The following MCEE variants were observed in gnomAD, a reference collection of about 807,000 sequenced individuals.
MCEE encodes the protein methylmalonyl-CoA epimerase, mitochondrial.
In MCEE, 6 loss-of-function variants were observed where a neutral mutation model predicts 12.9. The ratio of observed to expected loss-of-function variants is 0.47; its 90% CI spans 0.26 to 0.92. MCEE has a LOEUF of 0.92. Among genes scored for constraint, MCEE ranks in the 40% least tolerant of loss-of-function variants. The pLI, the probability that MCEE is intolerant of heterozygous loss-of-function variation, is 0.16. For missense variants in MCEE, 214 were observed against 212.1 expected (o/e 1.01, Z -0.05); for synonymous variants, 78 against 77.9 (o/e 1.00, Z -0.01).
At chr2:71,119,138 T>G (rs1255098041) in intron 2 of MCEE, among the ~76,000 whole-genome samples, 1 of 150,398 alleles carries the variant, frequency 6.6e-6, no homozygotes, top group Non-Finnish European at 1.5e-5. Context: ...TTTTTTGTTT[T>G]TGGTAAGTAG....
chr2:71,114,720 C>T (rs867121363), intron 2 of MCEE, among the ~76,000 whole-genome samples: 5 of 151,912 alleles, frequency 3.3e-5, no homozygotes, highest in Non-Finnish European at 7.4e-5. Context: ...ATGATGTCAC[C>T]GTGGTTATTT....
intron 1 of MCEE, chr2:71,129,834 G>C (rs760312454): frequency 9.7e-6 from 4 of 413,744 alleles, no homozygotes; most frequent in Non-Finnish European, 4.5e-6. Context: ...ATTGGTGCGC[G>C]GTAAAATAAC....
At chr2:71,124,705 C>T (rs1222695173) in intron 1 of MCEE, among the ~76,000 whole-genome samples, 162 bp from the exon 2 acceptor site, 1 of 146,830 alleles carries the variant, frequency 6.8e-6, no homozygotes, top group Non-Finnish European at 1.5e-5. Context: ...GAAAAACTTA[C>T]ATCAGAATTA....
chr2:71,129,402 G>A (rs1455978858), intron 1 of MCEE, among the ~76,000 whole-genome samples: 1 of 151,794 alleles, frequency 6.6e-6, no homozygotes, highest in Non-Finnish European at 1.5e-5. Context: ...CGAATGTCCC[G>A]GAGTAACTCT....
chr2:71,127,973 C>A (rs949116475), intron 1 of MCEE, among the ~76,000 whole-genome samples: 1 of 152,122 alleles, frequency 6.6e-6, no homozygotes, highest in Admixed American at 6.5e-5. Context: ...AGGAAACATA[C>A]GTATTTAGAA....
chr2:71,128,714 G>A lies in MCEE; in HGVS notation c.40+1466C>T, dbSNP rs1416466970. ...CCGGCTAATTTTTGTATTTTTAGTAGAGACGGGCTCACGCCTGTAATCCCA... is the reference window on the plus strand; with the variant it reads ...CCGGCTAATTTTTGTATTTTTAGTAAAGACGGGCTCACGCCTGTAATCCCA... On this transcript the variant is annotated intron_variant, in intron 1 of 2. Transcript: ENST00000244217. Among the ~76,000 whole-genome samples, 79 of 152,024 alleles carry A rather than the reference G, an allele frequency of 5.2e-4. 1 individual carries two copies. Among genetic ancestry groups the A allele is most frequent in the Non-Finnish European group, 4.4e-5 (3 of 68,004 alleles).
At position 71,109,973 on chromosome 2, in the gene MCEE, A is replaced by G. The variant is rs1461766429; in HGVS notation, c.528T>C (p.Ala176=). The G allele has an allele frequency of 6.2e-7, 1 of 1,613,558 alleles. No individual in the cohort carries two copies. Among genetic ancestry groups the G allele is most frequent in the Non-Finnish European group, 8.5e-7 (1 of 1,179,828 alleles). ...TTTAGTTGCTTGCAAATATAAATCAAGCTTGCTCCAGTTCCACAAGGACTC... is the reference window on the plus strand; with the variant it reads ...TTTAGTTGCTTGCAAATATAAATCAGGCTTGCTCCAGTTCCACAAGGACTC... The part of the protein sequence containing the change: ...CGGVLVELEQ[A] The change falls in exon 3 of 3, where the codon GCT becomes GCC. Residue 176 remains alanine (A), a synonymous_variant. Transcript: ENST00000244217.
chr2:71,127,498 CTT>C (rs1247465402), intron 1 of MCEE, among the ~76,000 whole-genome samples: 4 of 152,184 alleles, frequency 2.6e-5, no homozygotes, highest in African/African-American at 9.7e-5. Context: ...AGCTTTATCT[CTT>C]AATAGTTTTT....
At chr2:71,114,221 T>C (rs1014447183) in intron 2 of MCEE, among the ~76,000 whole-genome samples, 11 of 152,054 alleles carry the variant, frequency 7.2e-5, no homozygotes, top group African/African-American at 2.2e-4. Flanking sequence ...TCAGGATAAA[T>C]AGCTAATGCA....
chr2:71,115,094 G>A (rs1049749995), intron 2 of MCEE, among the ~76,000 whole-genome samples: 1 of 152,076 alleles, frequency 6.6e-6, no homozygotes, highest in African/African-American at 2.4e-5. Context: ...TTCAAGCCTG[G>A]GCACAGTGTT....
intron 2 of MCEE, chr2:71,118,266 C>T (rs564179015): frequency 6.6e-6 from 1 of 150,866 alleles, no homozygotes; most frequent in Non-Finnish European, 1.5e-5. Context: ...CACCATTTTC[C>T]CCTGCAACGA....
At chr2:71,118,074 C>T (rs1027558104) in intron 2 of MCEE, among the ~76,000 whole-genome samples, 2 of 150,118 alleles carry the variant, frequency 1.3e-5, no homozygotes, top group Non-Finnish European at 2.9e-5. Context: ...TTCAACATCC[C>T]GCCCGGAAGC....
At chr2:71,128,259 CT>C (rs1260526218) in intron 1 of MCEE, among the ~76,000 whole-genome samples, 1 of 152,182 alleles carries the variant, frequency 6.6e-6, no homozygotes, top group Admixed American at 6.5e-5. Context: ...CGTGTTCACT[CT>C]GATTTTTCTG....
At chr2:71,125,006 T>C (rs1673186804) in intron 1 of MCEE, among the ~76,000 whole-genome samples, 1 of 151,386 alleles carries the variant, frequency 6.6e-6, no homozygotes, top group East Asian at 1.9e-4. Flanking sequence ...CAGTACTCTT[T>C]AATGCTCTGT....
intron 1 of MCEE, among the ~76,000 whole-genome samples, chr2:71,124,981 T>C (rs907521905): frequency 1.3e-5 from 2 of 151,660 alleles, no homozygotes; most frequent in African/African-American, 4.8e-5. Context: ...TAAATATACA[T>C]TAAAAGAGTA....
chr2:71,125,211 A>ATAT, intron 1 of MCEE, among the ~76,000 whole-genome samples: 529 of 48,600 alleles, frequency 0.011, 25 homozygotes, highest in Admixed American at 0.015. Context: ...ATATATATAT[A>ATAT]TTTTTTTTTT....
chr2:71,122,835 G>A (rs1466121273), intron 2 of MCEE, among the ~76,000 whole-genome samples: 1 of 152,304 alleles, frequency 6.6e-6, no homozygotes, highest in Admixed American at 6.5e-5. Context: ...CTTTCCACAT[G>A]CAATTCCCTC....
intron 2 of MCEE, among the ~76,000 whole-genome samples, chr2:71,123,244 C>A (rs112864725): frequency 0.019 from 2,931 of 152,304 alleles, 89 homozygotes; most frequent in African/African-American, 0.067. Context: ...ATAATCCCAG[C>A]ACTTTGAGAG....
chr2:71,120,732 T>G (rs1043278613), intron 2 of MCEE, among the ~76,000 whole-genome samples: 1 of 76,772 alleles, frequency 1.3e-5, no homozygotes, highest in African/African-American at 4.8e-5. Flanking sequence ...TGATGAGTGG[T>G]TCAACATTTT....
Sources: allele counts gnomAD v4.1 joint callset (sites outside exome capture counted in the v4.1 genomes callset), GRCh38; gene constraint gnomAD v4.1.1; transcripts MANE v1.5; gene names NCBI Gene and HGNC (gene_info 2026-07-23, HGNC 2026-07-21).